Variants in N4BP2L2 observed in about 807,000 individuals in gnomAD.
The protein encoded by N4BP2L2 is NEDD4-binding protein 2-like 2.
In N4BP2L2, 50 loss-of-function variants were observed where a neutral mutation model predicts 56.2. The ratio of observed to expected loss-of-function variants is 0.89; its 90% CI spans 0.71 to 1.13. The LOEUF is 1.13. Ranked by LOEUF, N4BP2L2 falls within the 50% of genes most tolerant of loss-of-function variation. The pLI is 0.00. For missense variants in N4BP2L2, 689 were observed against 693.8 expected, an observed-to-expected ratio of 0.99 and a Z score of 0.08; for synonymous variants, 203 against 223.6, an observed-to-expected ratio of 0.91 and a Z score of 0.82.
Position 32,504,170 on chromosome 13 carries a change from G to C in N4BP2L2, c.365+13687C>G, listed in dbSNP as rs571253977. Among the ~76,000 whole-genome samples, 80 of 152,232 alleles carry C rather than the reference G, an allele frequency of 5.3e-4. No individual in the cohort carries two copies. In the South Asian group the frequency reaches 0.016, roughly 30 times the overall value. ...CAAATGCCCTAACTTTACACACAAA[G>C]GAACTGCAGAAAAGAAGGAAATGTC... On this transcript the variant is annotated intron_variant, in intron 6 of 9. Coordinates refer to the N4BP2L2 transcript ENST00000357505.
At position 32,492,751 on chromosome 13, in the gene N4BP2L2, A is replaced by G. The variant is rs2087458696; in HGVS notation, c.365+25106T>C. The stretch of plus-strand genomic sequence containing the variant: ...ACCTTTTCAAACATGAGCGTAAGAA[A>G]TAAGTATCATGCTCTCAAAAAATAA... On this transcript the variant is annotated intron_variant, in intron 6 of 9. Transcript: ENST00000357505. 2.6e-5 allele frequency among the ~76,000 whole-genome samples: 4 copies of G among 152,314 alleles called. No homozygotes were observed. In the South Asian group the frequency reaches 8.3e-4, roughly 32 times the overall value.
intron 6 of N4BP2L2, among the ~76,000 whole-genome samples, chr13:32,474,415 C>T (rs1423943338): frequency 1.3e-5 from 2 of 152,034 alleles, no homozygotes; most frequent in East Asian, 3.9e-4. Flanking sequence ...AGCGGCCTAT[C>T]ACAGTGGCTC....
downstream of N4BP2L2, chr13:32,505,595 C>T (rs961977050): frequency 6.6e-6 from 1 of 152,196 alleles, no homozygotes; most frequent in Non-Finnish European, 1.5e-5. Context: ...GCTTAGAAAT[C>T]TCAGCTAAAC....
chr13:32,470,689 A>C (rs548369), intron 6 of N4BP2L2, among the ~76,000 whole-genome samples: 104,123 of 152,126 alleles, frequency 0.68, 36,300 homozygotes, highest in African/African-American at 0.83. Context: ...TGGGTGCATT[A>C]ATAGGTAACA....
exon 6 of N4BP2L2, chr13:32,510,467 TTTAAACA>T (rs2047861526): frequency 6.6e-6 from 1 of 152,026 alleles, no homozygotes; most frequent in Non-Finnish European, 1.5e-5. Flanking sequence ...ACAGAAAACA[TTTAAACA>T]TTAAATAGTA....
intron 2 of N4BP2L2, among the ~76,000 whole-genome samples, chr13:32,529,657 GTTTT>G (rs11340287): frequency 1.4e-5 from 2 of 145,892 alleles, no homozygotes; most frequent in South Asian, 4.4e-4. Flanking sequence ...TTCCTTTTTT[GTTTT>G]TTTTTTTGTT....
intron 6 of N4BP2L2, among the ~76,000 whole-genome samples, chr13:32,489,067 T>C (rs2086513842): frequency 6.6e-6 from 1 of 152,176 alleles, no homozygotes; most frequent in Non-Finnish European, 1.5e-5. Context: ...AGCAAGACTC[T>C]GTCTCAGAAC....
At chr13:32,521,339 A>T in intron 5 of N4BP2L2, 34 bp downstream of exon 5, 1 of 1,421,308 alleles carries the variant, frequency 7.0e-7, no homozygotes, top group African/African-American at 1.4e-5. Context: ...AAAGAAGAAA[A>T]GTTAAGGATT....
chr13:32,470,986 G>A (rs1231929998), intron 6 of N4BP2L2, among the ~76,000 whole-genome samples: 1 of 152,246 alleles, frequency 6.6e-6, no homozygotes, highest in Non-Finnish European at 1.5e-5. Flanking sequence ...GCCTAGTACT[G>A]ACACCATATG....
Position 32,442,983 on chromosome 13 carries a change from T to TA in N4BP2L2, c.1508dup (p.Leu503PhefsTer17), listed in dbSNP as rs2076583557. 2 of 1,613,860 alleles carry TA rather than the reference T, an allele frequency of 1.2e-6. No homozygotes were observed. The highest frequency in any genetic ancestry group is 2.7e-5 in the African/African-American group (2 of 75,056). On this transcript the variant is annotated frameshift_variant, in exon 7 of 10. Coordinates refer to the N4BP2L2 transcript ENST00000357505. LOFTEE classifies it high-confidence loss of function. ...TAATTTTTAGTCCATGGTTTTTTGTTAACAGGTCACATTTCTCCCTTTCTT... is the reference window on the plus strand; with the variant it reads ...TAATTTTTAGTCCATGGTTTTTTGTTAAACAGGTCACATTTCTCCCTTTCTT...
intron 6 of N4BP2L2, among the ~76,000 whole-genome samples, chr13:32,492,920 T>TTG (rs1555263079): frequency 7.0e-6 from 1 of 142,944 alleles, no homozygotes; most frequent in Non-Finnish European, 1.5e-5. Context: ...TTTTCTGTTT[T>TTG]TTTTTTTTTT....
chr13:32,489,588 T>C (rs1482227871), intron 6 of N4BP2L2, among the ~76,000 whole-genome samples: 3 of 152,220 alleles, frequency 2.0e-5, no homozygotes, highest in African/African-American at 7.2e-5. Flanking sequence ...TTGCTTCAAA[T>C]ATGGAAAAGA....
At chr13:32,535,477 T>A (rs931590023) in intron 2 of N4BP2L2, among the ~76,000 whole-genome samples, 2 of 152,260 alleles carry the variant, frequency 1.3e-5, no homozygotes. Context: ...CACTGTCAGA[T>A]GCTATTCTCA....
chr13:32,436,333 A>G, intron 9 of N4BP2L2: 1 of 1,073,132 alleles, frequency 9.3e-7, no homozygotes, highest in Non-Finnish European at 1.3e-6. Flanking sequence ...ATGATCAAAC[A>G]GAGGTCTCTA....
intron 6 of N4BP2L2, among the ~76,000 whole-genome samples, chr13:32,467,508 C>T (rs927989530): frequency 1.3e-5 from 2 of 150,612 alleles, no homozygotes; most frequent in African/African-American, 4.9e-5. Context: ...AAACTCCTGA[C>T]CTCAAGTGAT....
At chr13:32,516,825 T>G (rs537109924) in exon 6 of N4BP2L2, 1 of 845,520 alleles carries the variant, frequency 1.2e-6, no homozygotes, top group South Asian at 5.4e-5. Flanking sequence ...GAGAAATGCT[T>G]AATTATCTAG....
At chr13:32,474,586 C>T (rs369969480) in intron 6 of N4BP2L2, among the ~76,000 whole-genome samples, 10 of 151,686 alleles carry the variant, frequency 6.6e-5, no homozygotes, top group African/African-American at 9.7e-5. Context: ...CTCAGGTACT[C>T]GGAAGGCTGA....
intron 6 of N4BP2L2, among the ~76,000 whole-genome samples, chr13:32,475,401 G>A (rs1422730895): frequency 6.6e-6 from 1 of 152,182 alleles, no homozygotes; most frequent in Non-Finnish European, 1.5e-5. Flanking sequence ...TCATCCAAGA[G>A]AGGGTCTCCA....
At chr13:32,492,919 T>G (rs1444651277) in intron 6 of N4BP2L2, among the ~76,000 whole-genome samples, 1 of 142,584 alleles carries the variant, frequency 7.0e-6, no homozygotes, top group East Asian at 2.0e-4. Context: ...CTTTTCTGTT[T>G]TTTTTTTTTT....
Sources: allele counts gnomAD v4.1 joint callset (sites outside exome capture counted in the v4.1 genomes callset), GRCh38; gene constraint gnomAD v4.1.1; transcripts MANE v1.5; gene names NCBI Gene and HGNC (gene_info 2026-07-23, HGNC 2026-07-21).